Variants in ITGA5 observed in about 807,000 individuals in gnomAD.
The protein encoded by ITGA5 is integrin alpha-5.
Under a neutral mutation model 146.3 loss-of-function variants are expected in ITGA5, and 55 were observed. The ratio of observed to expected loss-of-function variants is 0.38; its 90% CI spans 0.30 to 0.47. The LOEUF is 0.47. Among genes scored for constraint, ITGA5 ranks in the 20% least tolerant of loss-of-function variants. The pLI is 0.99. For missense variants in ITGA5, 1,131 were observed against 1,329.0 expected, an observed-to-expected ratio of 0.85 and a Z score of 2.32; for synonymous variants, 500 against 531.8, an observed-to-expected ratio of 0.94 and a Z score of 0.82.
chr12:54,417,711 AC>A (rs1956025095), intron 1 of ITGA5, among the ~76,000 whole-genome samples: 1 of 150,902 alleles, frequency 6.6e-6, no homozygotes. Context: ...TTCCCCTCAA[AC>A]CCTGAGATCC....
rs1380730685 is a variant in ITGA5 at position 54,403,858 on chromosome 12, A to C, written c.1621+53T>G. 2 of 1,611,088 alleles carry C rather than the reference A, an allele frequency of 1.2e-6. No homozygotes were observed. Among genetic ancestry groups the C allele is most frequent in the African/African-American group, 1.3e-5 (1 of 74,888 alleles). Reference sequence around the variant, plus strand: ...AGAGAAGAAATGTCCCCAGGTCCCCAGTCCCTTCATTCTCTGTCCTAGGGC... The same window carrying C: ...AGAGAAGAAATGTCCCCAGGTCCCCCGTCCCTTCATTCTCTGTCCTAGGGC... On this transcript the variant is annotated intron_variant, in intron 16 of 29. Transcript: ENST00000293379. The surrounding 1 kb of genome is among the most constrained non-coding windows in gnomAD (Gnocchi z 4.9).
intron 2 of ITGA5, among the ~76,000 whole-genome samples, chr12:54,410,776 G>C (rs1214464491): frequency 6.6e-6 from 1 of 151,708 alleles, no homozygotes; most frequent in Non-Finnish European, 1.5e-5. Context: ...GCCCACGCTG[G>C]AGTGCAGTGA....
chr12:54,408,231 C>T lies in ITGA5; in HGVS notation c.696G>A (p.Gln232=). 4 of 1,614,026 alleles carry T rather than the reference C, an allele frequency of 2.5e-6. No homozygotes were observed. Among genetic ancestry groups the T allele is most frequent in the South Asian group, 1.1e-5 (1 of 91,076 alleles). ...TCTGCTCCTGAGTGGCAGACAGGAT[C>T]TGGCCTGGAGAGAGTATGAAGAGGG... ...GGPGSYFWQG[Q]ILSATQEQIA... Residue 232 remains glutamine, a synonymous_variant, in exon 7 of 30, where the codon CAG becomes CAA. Coordinates refer to ENST00000293379, the MANE Select transcript of ITGA5 (RefSeq NM_002205.5).
At position 54,404,981 on chromosome 12, in the gene ITGA5, T is replaced by C. The variant is rs555176178; in HGVS notation, c.1226-87A>G. 487 of 1,270,100 alleles carry C rather than the reference T, an allele frequency of 3.8e-4. 1 individual carries two copies. Among genetic ancestry groups the C allele is most frequent in the Admixed American group, 1.3e-3 (47 of 35,390 alleles). 78.7% of individuals were successfully genotyped at this position (1,270,100 alleles called of 1,614,324 possible). A position where few individuals can be genotyped will look rare whatever the true frequency, so the allele number is the denominator to read the frequency against. ...TACCAGACCCCAGGACCTAGGATCC[T>C]ATTTTTTCCCATCTGTCAGTCCCTA... On this transcript the variant is annotated intron_variant, in intron 12 of 29. Coordinates refer to ENST00000293379, the MANE Select transcript of ITGA5 (RefSeq NM_002205.5).
At position 54,408,150 on chromosome 12, in the gene ITGA5, C is replaced by G. The variant is rs374695746; in HGVS notation, c.777G>C (p.Gln259His). 20 of 1,614,048 alleles carry G rather than the reference C, an allele frequency of 1.2e-5. No individual in the cohort carries two copies. The highest frequency in any genetic ancestry group is 1.6e-5 in the Non-Finnish European group (19 of 1,180,040). The change falls in exon 7 of 30, where the codon CAG becomes CAC. Residue 259 changes from glutamine to histidine, a missense_variant. Coordinates refer to ENST00000293379, the MANE Select transcript of ITGA5 (RefSeq NM_002205.5). ...CATAGATGGAACTGGCCTGGCGAGT[C>G]TGCAGCTGCCCCTGAACCAGGTTGA... Reference protein sequence around the residue: ...YLINLVQGQLQTRQASSIYDD... With the variant: ...YLINLVQGQLHTRQASSIYDD...
chr12:54,415,601 A>T lies in ITGA5; in HGVS notation c.218+3380T>A, dbSNP rs74089984. On this transcript the variant is annotated intron_variant, in intron 1 of 29. Transcript: ENST00000293379. The stretch of plus-strand genomic sequence containing the variant: ...CAGCATTCTAGTCTACCCCATTGCC[A>T]ACTTATTCCCTCCTCTCATATCTGC... Among the ~76,000 whole-genome samples, 343 of 152,294 alleles carry T rather than the reference A, an allele frequency of 2.3e-3. 2 individuals carry two copies. Among genetic ancestry groups the T allele is most frequent in the African/African-American group, 8.0e-3 (332 of 41,566 alleles).
rs751768127 is a variant in ITGA5 at position 54,401,616 on chromosome 12, C to A, written c.2356G>T (p.Val786Leu). ...AGGGTGACCTGGGCCTGAGCCTCCA[C>A]GGAGAGCCGAAAGGAAACCACGTCG... ...QSDVVSFRLS[V>L]EAQAQVTLNG... is the part of the protein sequence containing the mutation. The change falls in exon 23 of 30, where the codon GTG becomes TTG. Residue 786 changes from valine (V) to leucine (L), a missense_variant. Coordinates refer to ENST00000293379, the MANE Select transcript of ITGA5 (RefSeq NM_002205.5). This position sits in a 1 kb window ranked among gnomAD's most constrained non-coding sequence, Gnocchi z 5.0. The A allele has an allele frequency of 6.2e-7, 1 of 1,614,200 alleles. No individual in the cohort carries two copies. Among genetic ancestry groups the A allele is most frequent in the Non-Finnish European group, 8.5e-7 (1 of 1,180,038 alleles).
intron 9 of ITGA5, 26 bp downstream of exon 9, chr12:54,407,623 A>G: frequency 6.3e-7 from 1 of 1,596,822 alleles, no homozygotes. Context: ...GGAGGAGAGG[A>G]AGTGAGGGGT....
intron 1 of ITGA5, among the ~76,000 whole-genome samples, chr12:54,414,575 G>A (rs1189802179): frequency 6.6e-6 from 1 of 152,158 alleles, no homozygotes; most frequent in East Asian, 1.9e-4. Flanking sequence ...CGCCAGGTGC[G>A]GTGGCTCACG....
chr12:54,415,336 A>T (rs756019446), intron 1 of ITGA5, among the ~76,000 whole-genome samples: 2 of 152,194 alleles, frequency 1.3e-5, no homozygotes, highest in Non-Finnish European at 2.9e-5. Flanking sequence ...GCTAGAAGGC[A>T]CTGTAGAGAG....
chr12:54,414,135 C>T (rs1015140544), intron 1 of ITGA5, among the ~76,000 whole-genome samples: 2 of 152,254 alleles, frequency 1.3e-5, no homozygotes, highest in African/African-American at 4.8e-5. Flanking sequence ...CCTCCCGGCA[C>T]ACTACCCATG....
At chr12:54,398,484 A>G in intron 28 of ITGA5, 113 bp downstream of exon 28, 1 of 704,372 alleles carries the variant, frequency 1.4e-6, no homozygotes, top group Non-Finnish European at 2.4e-6. Flanking sequence ...GGCACATAGT[A>G]CATTCTCAAC....
rs12304780 is a variant in ITGA5 at position 54,409,927 on chromosome 12, G to A, written c.350-330C>T. Among the ~76,000 whole-genome samples, 3,485 of 151,710 alleles carry A rather than the reference G, an allele frequency of 0.023. 84 individuals are homozygous for A. Among genetic ancestry groups the A allele is most frequent in the South Asian group, 0.087 (418 of 4,792 alleles). On this transcript the variant is annotated intron_variant, in intron 2 of 29. Transcript: ENST00000293379. This position sits in a 1 kb window ranked among gnomAD's most constrained non-coding sequence, Gnocchi z 4.7. ...GCTGGAGTGCAGTAGCATGATCTCGGCTCAGTGCAACCTCCGCCTCCCTGG... is the reference window on the plus strand; with the variant it reads ...GCTGGAGTGCAGTAGCATGATCTCGACTCAGTGCAACCTCCGCCTCCCTGG...
chr12:54,412,130 G>T (rs1955953877), intron 1 of ITGA5, among the ~76,000 whole-genome samples, 166 bp from the exon 2 acceptor site: 1 of 152,154 alleles, frequency 6.6e-6, no homozygotes, highest in Non-Finnish European at 1.5e-5. Context: ...CAGAGGCACA[G>T]GCTGGAGTCA....
intron 9 of ITGA5, 168 bp from the exon 10 acceptor site, chr12:54,406,094 T>A (rs1955862915): frequency 3.1e-6 from 2 of 643,660 alleles, no homozygotes; most frequent in Non-Finnish European, 2.8e-6. Flanking sequence ...CTATGCCAGG[T>A]AGTTCCACCC....
chr12:54,414,156 G>A (rs1341984838), intron 1 of ITGA5, among the ~76,000 whole-genome samples: 1 of 152,206 alleles, frequency 6.6e-6, no homozygotes, highest in African/African-American at 2.4e-5. Flanking sequence ...GCTTATTCCT[G>A]GACAGGCAGT....
chr12:54,398,835 CTTTTTTTTTTTTTT>C, intron 27 of ITGA5, 137 bp from the exon 28 acceptor site: 1 of 220,292 alleles, frequency 4.5e-6, no homozygotes, highest in South Asian at 4.3e-5. Context: ...CTCTCTCTCT[CTTTTTTTTTTTTTT>C]TTTTTTTTGA....
In ITGA5 at chr12:54,403,610, C is replaced by T. The variant is rs771142814; in HGVS notation, c.1776+15G>A. ...CCCTCCCTGGCCAGTCCACACCCCG[C>T]CCTCTGGGCCATACCCTGAGGTAGA... On this transcript the variant is annotated intron_variant, in intron 17 of 29. Transcript: ENST00000293379. This position sits in a 1 kb window ranked among gnomAD's most constrained non-coding sequence, Gnocchi z 4.9. 2.5e-6 allele frequency: 4 copies of T among 1,609,972 alleles called. No individual in the cohort carries two copies. Among genetic ancestry groups the T allele is most frequent in the Non-Finnish European group, 3.4e-6 (4 of 1,177,702 alleles).
At chr12:54,407,568 G>T in intron 9 of ITGA5, 81 bp downstream of exon 9, 1 of 1,185,654 alleles carries the variant, frequency 8.4e-7, no homozygotes, top group Non-Finnish European at 1.3e-6. Context: ...CCACCTTTTT[G>T]AGCCCTTGCA....
Sources: allele counts gnomAD v4.1 joint callset (sites outside exome capture counted in the v4.1 genomes callset), GRCh38; gene constraint gnomAD v4.1.1; non-coding constraint Gnocchi (gnomAD v3.1); transcripts MANE v1.5; gene names NCBI Gene and HGNC (gene_info 2026-07-23, HGNC 2026-07-21).